The following KIAA1549 variants were observed in gnomAD, a reference collection of about 807,000 sequenced individuals.
KIAA1549 encodes UPF0606 protein KIAA1549.
A neutral mutation model predicts 156.4 loss-of-function variants in KIAA1549; 70 were observed. The ratio of observed to expected loss-of-function variants is 0.45; its 90% CI spans 0.37 to 0.55. The LOEUF is 0.55. KIAA1549 is among the 20% of genes least tolerant of loss of function. The pLI is 0.00. For missense variants in KIAA1549, 2,428 were observed against 2,540.9 expected (o/e 0.96, Z 0.96); for synonymous variants, 1,103 against 1,066.4 (o/e 1.03, Z -0.67).
chr7:138,855,880 T>TATC lies in KIAA1549; in HGVS notation c.5248-3612_5248-3611insGAT, dbSNP rs1249473044. On this transcript the variant is annotated intron_variant, in intron 16 of 19. Coordinates refer to ENST00000422774, the MANE Select transcript of KIAA1549 (RefSeq NM_001164665.2). ...TTCTCAATGGATGATGACTCTGCCT[T>TATC]CTCTGCTCTGAGGATAAAAACCATG... Among the ~76,000 whole-genome samples, 52 of 152,194 alleles carry TATC rather than the reference T, an allele frequency of 3.4e-4. No individual in the cohort carries two copies. The Middle Eastern group carries it at 0.01, about 30-fold the overall frequency.
chr7:138,938,861 A>T (rs1027465676), intron 1 of KIAA1549, among the ~76,000 whole-genome samples: 1 of 152,154 alleles, frequency 6.6e-6, no homozygotes, highest in African/African-American at 2.4e-5. Context: ...CAGTCTAGCC[A>T]ATACGGCGAA....
intron 1 of KIAA1549, among the ~76,000 whole-genome samples, chr7:138,975,634 C>T (rs1381041708): frequency 6.6e-6 from 1 of 152,174 alleles, no homozygotes; most frequent in Non-Finnish European, 1.5e-5. Context: ...TGCATTTGCA[C>T]ACACCCAGGT....
chr7:138,962,975 A>G (rs1813898667), intron 1 of KIAA1549, among the ~76,000 whole-genome samples: 1 of 152,182 alleles, frequency 6.6e-6, no homozygotes, highest in South Asian at 2.1e-4. Context: ...AGCACTTCAC[A>G]TGCCACTGGA....
At chr7:138,872,903 C>T (rs1490367417) in intron 12 of KIAA1549, among the ~76,000 whole-genome samples, 2 of 152,150 alleles carry the variant, frequency 1.3e-5, no homozygotes, top group Non-Finnish European at 2.9e-5. Context: ...GACCCTGTCC[C>T]CCAACCCCCG....
chr7:138,833,459 C>T lies in KIAA1549; in HGVS notation c.*4447G>A, dbSNP rs1057364094. 96 of 232,592 alleles carry T rather than the reference C, an allele frequency of 4.1e-4. No individual in the cohort carries two copies. The Admixed American group carries it at 5.4e-3, about 13-fold the overall frequency. The allele number at this position is 232,592 out of a possible 1,614,324, so 14.4% of individuals were successfully genotyped here. A position where few individuals can be genotyped will look rare whatever the true frequency, so the allele number is the denominator to read the frequency against. ...GGGAGACTCCTATAGCACAGAACCG[C>T]GTGCTGGCTTTAGCCCAAAGCCTTT... On this transcript the variant is annotated 3_prime_UTR_variant, in exon 20 of 20. Transcript: ENST00000422774.
intron 15 of KIAA1549, among the ~76,000 whole-genome samples, chr7:138,862,519 A>T (rs1049266534): frequency 6.6e-6 from 1 of 150,894 alleles, no homozygotes; most frequent in African/African-American, 2.5e-5. Flanking sequence ...AAAAAAAAAG[A>T]AAAAGAAAAA....
intron 10 of KIAA1549, among the ~76,000 whole-genome samples, chr7:138,885,149 C>G (rs186996306): frequency 1.2e-4 from 19 of 152,172 alleles, no homozygotes; most frequent in Non-Finnish European, 2.4e-4. Context: ...GAGCTGAGAT[C>G]GAACCGTTGT....
At chr7:138,892,217 A>G (rs1477725118) in intron 10 of KIAA1549, among the ~76,000 whole-genome samples, 1 of 152,202 alleles carries the variant, frequency 6.6e-6, no homozygotes, top group Non-Finnish European at 1.5e-5. Context: ...GGACTTGAAA[A>G]TGTTTAGGAA....
At chr7:138,924,875 T>C (rs926105622) in intron 1 of KIAA1549, among the ~76,000 whole-genome samples, 1 of 152,146 alleles carries the variant, frequency 6.6e-6, no homozygotes, top group East Asian at 1.9e-4. Context: ...GGTTCTCTCT[T>C]GGATGACAGA....
chr7:138,918,605 T>C lies in KIAA1549; in HGVS notation c.1021A>G (p.Thr341Ala), dbSNP rs370573254. ...QSLEETISPR[T>A]YPTVTASHAA... Reference sequence around the variant, plus strand: ...TGCGATGCAGTCACAGTGGGGTATGTTCTTGGAGAGATGGTTTCTTCTAGG... The same window carrying C: ...TGCGATGCAGTCACAGTGGGGTATGCTCTTGGAGAGATGGTTTCTTCTAGG... Residue 341 changes from threonine (T) to alanine (A), a missense_variant, in exon 2 of 20, where the codon ACA becomes GCA. Thr to Ala is a moderately conservative substitution (Grantham distance 58, BLOSUM62 0). Coordinates refer to ENST00000422774, the MANE Select transcript of KIAA1549 (RefSeq NM_001164665.2). The surrounding 1 kb of genome is among the most constrained non-coding windows in gnomAD (Gnocchi z 4.2). The C allele has an allele frequency of 9.9e-6, 16 of 1,614,028 alleles. 1 individual carries two copies. The African/African-American group carries it at 1.9e-4, about 19-fold the overall frequency.
intron 8 of KIAA1549, among the ~76,000 whole-genome samples, chr7:138,902,345 T>C (rs1811865883): frequency 6.6e-6 from 1 of 152,152 alleles, no homozygotes; most frequent in Non-Finnish European, 1.5e-5. Context: ...TTTTCTCTAA[T>C]GCCTCTAATC....
chr7:138,833,704 T>C lies in KIAA1549; in HGVS notation c.*4202A>G, dbSNP rs1453083255. 1 of 233,080 alleles carries C rather than the reference T, an allele frequency of 4.3e-6. No individual in the cohort carries two copies. The allele number at this position is 233,080 out of a possible 1,614,324, so 14.4% of individuals were successfully genotyped here. ...AGACAGACAGATAGATAACCCACTA[T>C]GCTCCACAAAGGATATGGCGTGGCC... On this transcript the variant is annotated 3_prime_UTR_variant, in exon 20 of 20. Coordinates refer to ENST00000422774, the MANE Select transcript of KIAA1549 (RefSeq NM_001164665.2).
intron 17 of KIAA1549, among the ~76,000 whole-genome samples, chr7:138,849,281 C>T (rs1163665238): frequency 6.6e-6 from 1 of 151,942 alleles, no homozygotes; most frequent in Non-Finnish European, 1.5e-5. Flanking sequence ...TTCCTTCCAT[C>T]TACTTCCTTT....
chr7:138,891,756 GGAGA>G (rs1389787338), intron 10 of KIAA1549, among the ~76,000 whole-genome samples: 2 of 152,150 alleles, frequency 1.3e-5, no homozygotes, highest in African/African-American at 2.4e-5. Context: ...AGAGCAGAAC[GGAGA>G]GAGAGACAAC....
intron 1 of KIAA1549, among the ~76,000 whole-genome samples, chr7:138,937,656 G>A (rs1813056700): frequency 6.6e-6 from 1 of 152,196 alleles, no homozygotes; most frequent in Non-Finnish European, 1.5e-5. Context: ...GGGGTGGCGA[G>A]CACAGTGGCC....
At chr7:138,847,144 C>T (rs1392290897) in intron 17 of KIAA1549, among the ~76,000 whole-genome samples, 1 of 152,224 alleles carries the variant, frequency 6.6e-6, no homozygotes, top group African/African-American at 2.4e-5. Flanking sequence ...CTTTTGCCAA[C>T]ATTTCCATCC....
intron 2 of KIAA1549, among the ~76,000 whole-genome samples, chr7:138,914,153 C>A (rs1179556249): frequency 6.6e-6 from 1 of 152,028 alleles, no homozygotes; most frequent in Non-Finnish European, 1.5e-5. Context: ...TTGTAAGCAG[C>A]CCCACACAGC....
chr7:138,868,060 T>C lies in KIAA1549; in HGVS notation c.4844A>G (p.Glu1615Gly). 6.2e-7 allele frequency: 1 copy of C among 1,613,892 alleles called. No individual in the cohort carries two copies. The highest frequency in any genetic ancestry group is 1.3e-5 in the African/African-American group (1 of 75,042). Residue 1615 changes from glutamate to glycine, a missense_variant, in exon 15 of 20, where the codon GAG (glutamate) becomes GGG (glycine). Glu to Gly is a moderately conservative substitution (Grantham distance 98). Around this residue, in one of 5 missense-constraint regions of KIAA1549, gnomAD observed 404 missense variants for 417.0 expected, o/e 0.97. Transcript: ENST00000422774. ...HQVNGCPADAEKDRLITTDSD... is the reference protein window; with the variant it reads ...HQVNGCPADAGKDRLITTDSD... ...GTCTGTGGTGATGAGCCGGTCCTTC[T>C]CAGCGTCGGCAGGACAGCCGTTGAC... is the stretch of plus-strand genomic sequence containing the variant.
intron 8 of KIAA1549, among the ~76,000 whole-genome samples, chr7:138,900,176 C>T (rs1158214607): frequency 2.0e-5 from 3 of 152,204 alleles, no homozygotes; most frequent in African/African-American, 4.8e-5. Context: ...TCCTTCACCA[C>T]GGGAAACTTC....
Sources: gnomAD v4.1 joint callset for allele counts (sites outside exome capture counted in the v4.1 genomes callset) on GRCh38, gnomAD v4.1.1 for gene constraint, gnomAD v4.1.1 regional missense constraint, Gnocchi (gnomAD v3.1) non-coding constraint, MANE v1.5 for transcripts, NCBI Gene and HGNC (gene_info 2026-07-23, HGNC 2026-07-21) for gene names.